PYHIN1: variants seen among roughly 807,000 people sequenced by gnomAD.
PYHIN1 encodes the protein pyrin and HIN domain-containing protein 1.
Under a neutral mutation model 43.7 loss-of-function variants are expected in PYHIN1, and 32 were observed. The ratio of observed to expected loss-of-function variants is 0.73; its 90% CI spans 0.55 to 0.98. The LOEUF (loss-of-function observed/expected upper bound fraction) is 0.98. PYHIN1 is among the 50% of genes least tolerant of loss of function. PYHIN1 has a pLI of 0.00. For synonymous variants in PYHIN1, 205 were observed against 203.1 expected (o/e 1.01, Z -0.08); for missense variants, 588 against 589.5 (o/e 1.00, Z 0.03).
chr1:158,974,994 C>T (rs771609582), intron 8 of PYHIN1, among the ~76,000 whole-genome samples: 7 of 151,974 alleles, frequency 4.6e-5, no homozygotes, highest in Non-Finnish European at 8.8e-5. Context: ...ATTTTAAATA[C>T]GCATTATGGT....
At chr1:158,946,616 CA>C (rs1337560085) in intron 7 of PYHIN1, among the ~76,000 whole-genome samples, 3 of 152,054 alleles carry the variant, frequency 2.0e-5, no homozygotes, top group Non-Finnish European at 4.4e-5. Flanking sequence ...GGATTTCCTA[CA>C]ATCTAAAGAA....
At chr1:158,954,691 A>G (rs1329691315) in intron 7 of PYHIN1, among the ~76,000 whole-genome samples, 1 of 149,722 alleles carries the variant, frequency 6.7e-6, no homozygotes, top group Non-Finnish European at 1.5e-5. Context: ...AAACTGCATC[A>G]ACTAACGAGC....
chr1:158,942,195 G>T lies in PYHIN1; in HGVS notation c.798G>T (p.Lys266Asn). 2 of 1,613,960 alleles carry T rather than the reference G, an allele frequency of 1.2e-6. No homozygotes were observed. Among genetic ancestry groups the T allele is most frequent in the African/African-American group, 1.3e-5 (1 of 75,048 alleles). Residue 266 changes from lysine (K) to asparagine (N), a missense_variant, in exon 5 of 9, where the codon AAG (lysine) becomes AAT (asparagine). Coordinates refer to ENST00000368140, the MANE Select transcript of PYHIN1 (RefSeq NM_152501.5). ...NINLKRKFIKKRIIIISNYSK... is the reference protein window; with the variant it reads ...NINLKRKFIKNRIIIISNYSK... ...ACTTGAAGAGGAAATTCATTAAAAA[G>T]AGAATCATCATTATATCAAATTATT...
At chr1:158,932,932 C>A (rs890129698) in intron 1 of PYHIN1, among the ~76,000 whole-genome samples, 1 of 152,056 alleles carries the variant, frequency 6.6e-6, no homozygotes, top group Non-Finnish European at 1.5e-5. Context: ...TAGCCTGGTG[C>A]AATATCTCAG....
the PYHIN1 span, among the ~76,000 whole-genome samples, chr1:158,988,747 AG>A: frequency 6.6e-6 from 1 of 152,200 alleles, no homozygotes; most frequent in African/African-American, 2.4e-5. Context: ...AAATAAAATG[AG>A]GAGAGAGATA....
At chr1:158,960,012 C>T (rs1650235622) in intron 7 of PYHIN1, among the ~76,000 whole-genome samples, 1 of 152,190 alleles carries the variant, frequency 6.6e-6, no homozygotes, top group Admixed American at 6.5e-5. Flanking sequence ...ACATTCATTT[C>T]TCACCCAAGC....
chr1:158,953,825 C>A (rs953692002), intron 7 of PYHIN1, among the ~76,000 whole-genome samples: 2 of 151,368 alleles, frequency 1.3e-5, no homozygotes, highest in Non-Finnish European at 2.9e-5. Flanking sequence ...GACATTCAAA[C>A]CAAAGGCAAA....
downstream of PYHIN1, among the ~76,000 whole-genome samples, chr1:158,981,090 T>G (rs1359114436): frequency 6.6e-6 from 1 of 152,204 alleles, no homozygotes; most frequent in Non-Finnish European, 1.5e-5. Flanking sequence ...GTAATGATTT[T>G]GTATTTTTAT....
At position 158,940,856 on chromosome 1, in the gene PYHIN1, T is replaced by C. The variant is rs78197235; in HGVS notation, c.580-1121T>C. On this transcript the variant is annotated intron_variant, in intron 4 of 8. Transcript: ENST00000368140. ...ATATACCCTCTCATATTTACTCCTATGTATACACATATTTTTTCTGAAAAT... is the reference window on the plus strand; with the variant it reads ...ATATACCCTCTCATATTTACTCCTACGTATACACATATTTTTTCTGAAAAT... Among the ~76,000 whole-genome samples, 224 of 152,334 alleles carry C rather than the reference T, an allele frequency of 1.5e-3. 7 individuals are homozygous for C. In the East Asian group the frequency reaches 0.041, roughly 28 times the overall value.
At chr1:158,989,825 C>T in the PYHIN1 span, among the ~76,000 whole-genome samples, 1 of 152,062 alleles carries the variant, frequency 6.6e-6, no homozygotes. Context: ...CTTAAAGGAC[C>T]ATCTTCCTTT....
intron 7 of PYHIN1, among the ~76,000 whole-genome samples, chr1:158,960,548 AAAAAAG>A (rs1164465036): frequency 6.6e-6 from 1 of 152,220 alleles, no homozygotes; most frequent in East Asian, 1.9e-4. Context: ...TACCACCCGA[AAAAAAG>A]AGTATCCAAC....
intron 4 of PYHIN1, 128 bp downstream of exon 4, chr1:158,939,375 A>T: frequency 1.9e-6 from 3 of 1,595,502 alleles, no homozygotes; most frequent in Non-Finnish European, 2.6e-6. Context: ...CTGAGAATTC[A>T]CTGCATTTTA....
intron 4 of PYHIN1, chr1:158,940,368 G>A (rs856079): frequency 0.98 from 149,916 of 152,280 alleles, 73,828 homozygotes; most frequent in Middle Eastern, 1. Context: ...AAAAACAAAG[G>A]GAAGTGATGG....
At chr1:158,981,502 C>A (rs1175815603), downstream of PYHIN1, among the ~76,000 whole-genome samples, 2 of 152,146 alleles carry the variant, frequency 1.3e-5, no homozygotes, top group Non-Finnish European at 1.5e-5. Context: ...AACAAACAAA[C>A]AAAGAAACCA....
At chr1:158,961,529 C>T (rs191268647) in intron 7 of PYHIN1, among the ~76,000 whole-genome samples, 49 of 152,056 alleles carry the variant, frequency 3.2e-4, no homozygotes, top group Admixed American at 6.5e-4. Flanking sequence ...TGAGATCCAC[C>T]GAGAAAACAA....
the PYHIN1 span, among the ~76,000 whole-genome samples, chr1:158,984,208 T>C: frequency 6.6e-6 from 1 of 152,004 alleles, no homozygotes; most frequent in Non-Finnish European, 1.5e-5. Flanking sequence ...GGTTTCCTTT[T>C]GTTTTTTCTA....
At chr1:158,945,176 T>C in intron 7 of PYHIN1, 134 bp downstream of exon 7, 3 of 854,270 alleles carry the variant, frequency 3.5e-6, no homozygotes, top group Non-Finnish European at 3.5e-6. Context: ...CCCATGTATT[T>C]ATTGAATGCA....
chr1:158,983,910 T>G, the PYHIN1 span, among the ~76,000 whole-genome samples: 1 of 151,702 alleles, frequency 6.6e-6, no homozygotes, highest in Non-Finnish European at 1.5e-5. Flanking sequence ...TTCTAGATTT[T>G]CTAGTTTTTC....
chr1:158,967,481 TAGGAAAA>T (rs1293045260), intron 7 of PYHIN1, among the ~76,000 whole-genome samples: 2 of 152,044 alleles, frequency 1.3e-5, no homozygotes, highest in African/African-American at 4.8e-5. Context: ...TGCTCATGGA[TAGGAAAA>T]ATCAATATTA....
Sources: gnomAD v4.1 joint callset for allele counts (sites outside exome capture counted in the v4.1 genomes callset) on GRCh38, gnomAD v4.1.1 for gene constraint, MANE v1.5 for transcripts, NCBI Gene and HGNC (gene_info 2026-07-23, HGNC 2026-07-21) for gene names.